Variants in CHCHD4 observed in about 807,000 individuals in gnomAD.
CHCHD4 encodes coiled-coil-helix-coiled-coil-helix domain containing 4.
Under a neutral mutation model 12.4 loss-of-function variants are expected in CHCHD4, and 7 were observed. The ratio of observed to expected loss-of-function variants is 0.57; its 90% confidence interval spans 0.32 to 1.06. The LOEUF is 1.06. Ranked by LOEUF, CHCHD4 falls within the 50% of genes least tolerant of loss-of-function variation. The pLI is 0.04. For missense variants in CHCHD4, 143 were observed against 175.1 expected (o/e 0.82, Z 1.03); for synonymous variants, 56 against 58.0 (o/e 0.97, Z 0.16).
intron 2 of CHCHD4, among the ~76,000 whole-genome samples, chr3:14,113,491 AGAG>A (rs1282950436): frequency 2.6e-5 from 4 of 152,234 alleles, no homozygotes; most frequent in African/African-American, 9.6e-5. Context: ...AGCCCAAAGA[AGAG>A]GAGATCACTT....
chr3:14,113,262 A>G, intron 2 of CHCHD4, 68 bp from the exon 3 acceptor site: 1 of 1,284,922 alleles, frequency 7.8e-7, no homozygotes, highest in Non-Finnish European at 1.1e-6. Context: ...CAGTCCTCAC[A>G]GGCTACTGAG....
chr3:14,113,171 T>C lies in CHCHD4; in HGVS notation c.145A>G (p.Ile49Val). ...CCAAGGCATGGGCAGTTCCAGTTAA[T>C]GTTTCCATTTGGCAGTATCAATCCT... Reference protein sequence around the residue: ...EHGLILPNGNINWNCPCLGGM... With the variant: ...EHGLILPNGNVNWNCPCLGGM... Residue 49 changes from isoleucine (I) to valine (V), a missense_variant, in exon 3 of 3, where the codon ATT becomes GTT. By Grantham distance (29) the Ile-to-Val change is conservative. Coordinates refer to ENST00000396914, the MANE Select transcript of CHCHD4 (RefSeq NM_001098502.2). 1 of 1,610,318 alleles carries C rather than the reference T, an allele frequency of 6.2e-7. No individual in the cohort carries two copies.
Position 14,124,716 on chromosome 3 carries a change from G to C in CHCHD4, c.-40C>G. The C allele has an allele frequency of 2.0e-6, 3 of 1,514,662 alleles. No homozygotes were observed. Among genetic ancestry groups the C allele is most frequent in the Non-Finnish European group, 2.6e-6 (3 of 1,133,020 alleles). The allele number at this position is 1,514,662 out of a possible 1,614,324, so 93.8% of individuals were successfully genotyped here. ...CCTGAGACCTTGCAGAAGCGGCGGTGGCGGCAGCTGCACCTTTACGCCGTG... is the reference window on the plus strand; with the variant it reads ...CCTGAGACCTTGCAGAAGCGGCGGTCGCGGCAGCTGCACCTTTACGCCGTG... On this transcript the variant is annotated 5_prime_UTR_variant, in exon 1 of 3. Coordinates refer to ENST00000396914, the MANE Select transcript of CHCHD4 (RefSeq NM_001098502.2).
chr3:14,124,804 G>T lies in CHCHD4; in HGVS notation c.-128C>A. 1 of 1,142,498 alleles carries T rather than the reference G, an allele frequency of 8.8e-7. No homozygotes were observed. Among genetic ancestry groups the T allele is most frequent in the Non-Finnish European group, 1.2e-6 (1 of 828,906 alleles). The allele number at this position is 1,142,498 out of a possible 1,614,324, so 70.8% of individuals were successfully genotyped here. On this transcript the variant is annotated 5_prime_UTR_variant, in exon 1 of 3. Coordinates refer to ENST00000396914, the MANE Select transcript of CHCHD4 (RefSeq NM_001098502.2). ...CCCGCGCGGACCCGCCCCCTCCCAG[G>T]CCTGCCCGCCGCGCGCCTGCCTCGG... is the stretch of plus-strand genomic sequence containing the variant.
At chr3:14,122,211 A>C (rs1191931733) in intron 1 of CHCHD4, 27 of 1,339,532 alleles carry the variant, frequency 2.0e-5, no homozygotes, top group Non-Finnish European at 3.9e-6. Context: ...CTCAGACCCC[A>C]TAGAGCCTTT....
In CHCHD4 at chr3:14,112,836, T is replaced by G. The variant is rs1156862610; in HGVS notation, c.*51A>C. On this transcript the variant is annotated 3_prime_UTR_variant, in exon 3 of 3. Coordinates refer to ENST00000396914, the MANE Select transcript of CHCHD4 (RefSeq NM_001098502.2). Reference sequence around the variant, plus strand: ...CTTGGAAGGTGATGACAAGGCCTTTTGCAAAAGGTCCACTCCAAAAGGACT... The same window carrying G: ...CTTGGAAGGTGATGACAAGGCCTTTGGCAAAAGGTCCACTCCAAAAGGACT... 2.0e-6 allele frequency: 3 copies of G among 1,532,706 alleles called. No homozygotes were observed. Among genetic ancestry groups the G allele is most frequent in the Non-Finnish European group, 2.6e-6 (3 of 1,135,948 alleles). 94.9% of individuals were successfully genotyped at this position (1,532,706 alleles called of 1,614,324 possible).
intron 2 of CHCHD4, 81 bp from the exon 3 acceptor site, chr3:14,113,275 G>A: frequency 8.5e-7 from 1 of 1,183,332 alleles, no homozygotes; most frequent in Non-Finnish European, 1.2e-6. Context: ...CTACTGAGGG[G>A]GTGCAGAACA....
chr3:14,112,631 C>A lies in CHCHD4; in HGVS notation c.*256G>T. 1 of 403,310 alleles carries A rather than the reference C, an allele frequency of 2.5e-6. No homozygotes were observed. The highest frequency in any genetic ancestry group is 4.4e-6 in the Non-Finnish European group (1 of 226,674). 25.0% of individuals were successfully genotyped at this position (403,310 alleles called of 1,614,324 possible). ...TATTCAGCACATTATTTAAAAGTGG[C>A]AAAATTCAGGGCAATCTGAGAATTC... On this transcript the variant is annotated 3_prime_UTR_variant, in exon 3 of 3. Transcript: ENST00000396914.
chr3:14,113,198 G>A lies in CHCHD4; in HGVS notation c.122-4C>T. The A allele has an allele frequency of 6.3e-7, 1 of 1,596,686 alleles. No homozygotes were observed. Among genetic ancestry groups the A allele is most frequent in the Non-Finnish European group, 8.5e-7 (1 of 1,170,354 alleles). ...TTTCCATTTGGCAGTATCAATCCTAGAACAGGAAGATAGAGAGATGTTCTC... is the reference window on the plus strand; with the variant it reads ...TTTCCATTTGGCAGTATCAATCCTAAAACAGGAAGATAGAGAGATGTTCTC... On this transcript the variant is annotated splice_region_variant and splice_polypyrimidine_tract_variant and intron_variant, in intron 2 of 2. Coordinates refer to ENST00000396914, the MANE Select transcript of CHCHD4 (RefSeq NM_001098502.2).
chr3:14,118,534 A>T (rs1359529861), intron 1 of CHCHD4, among the ~76,000 whole-genome samples: 2 of 152,232 alleles, frequency 1.3e-5, no homozygotes, highest in African/African-American at 4.8e-5. Context: ...CGCCATGCCC[A>T]CACTGCACAG....
intron 1 of CHCHD4, among the ~76,000 whole-genome samples, chr3:14,124,416 G>A (rs2124980505): frequency 6.6e-6 from 1 of 152,332 alleles, no homozygotes; most frequent in Non-Finnish European, 1.5e-5. Context: ...CCCCTCTGAG[G>A]TCAGGGTTCG....
intron 1 of CHCHD4, among the ~76,000 whole-genome samples, chr3:14,119,728 G>A (rs185480126): frequency 7.3e-4 from 111 of 152,296 alleles, no homozygotes; most frequent in African/African-American, 2.5e-3. Context: ...GGTGCACAGT[G>A]GCTTCAATAT....
chr3:14,123,134 TCTCA>T lies in CHCHD4; in HGVS notation c.22+1517_22+1520del, dbSNP rs142213112. On this transcript the variant is annotated intron_variant, in intron 1 of 2. Transcript: ENST00000396914. ...AGGCCTATAAGTGAGTGCTTTCAAT[TCTCA>T]CTCCTCTCCGAACTAAGAGAGATCT... 6.1e-3 allele frequency among the ~76,000 whole-genome samples: 924 copies of T among 152,232 alleles called. 4 individuals are homozygous for T. The highest frequency in any genetic ancestry group is 0.022 in the African/African-American group (894 of 41,544).
chr3:14,122,187 C>T, intron 1 of CHCHD4: 1 of 1,445,274 alleles, frequency 6.9e-7, no homozygotes, highest in Non-Finnish European at 9.1e-7. Context: ...ATGTCTGAAG[C>T]CTCAGGAAGC....
intron 2 of CHCHD4, among the ~76,000 whole-genome samples, chr3:14,114,182 C>T (rs1694851482): frequency 6.6e-6 from 1 of 152,174 alleles, no homozygotes; most frequent in South Asian, 2.1e-4. Context: ...GCCTTCAATT[C>T]CAGCTTGGGA....
chr3:14,124,706 A>T lies in CHCHD4; in HGVS notation c.-30T>A. ...GCAGCCCGTCCCTGAGACCTTGCAG[A>T]AGCGGCGGTGGCGGCAGCTGCACCT... is the stretch of plus-strand genomic sequence containing the variant. On this transcript the variant is annotated 5_prime_UTR_variant, in exon 1 of 3. Transcript: ENST00000396914. 1 of 1,520,874 alleles carries T rather than the reference A, an allele frequency of 6.6e-7. No homozygotes were observed. Among genetic ancestry groups the T allele is most frequent in the Non-Finnish European group, 8.8e-7 (1 of 1,135,886 alleles). 94.2% of individuals were successfully genotyped at this position (1,520,874 alleles called of 1,614,324 possible). A position where few individuals can be genotyped will look rare whatever the true frequency, so the allele number is the denominator to read the frequency against.
At chr3:14,114,454 G>C (rs1466435197) in intron 2 of CHCHD4, among the ~76,000 whole-genome samples, 2 of 152,150 alleles carry the variant, frequency 1.3e-5, no homozygotes, top group Non-Finnish European at 2.9e-5. Flanking sequence ...GAGGACTGCA[G>C]ACTGGGCTGA....
intron 1 of CHCHD4, among the ~76,000 whole-genome samples, chr3:14,123,849 T>G (rs1237315277): frequency 6.6e-6 from 1 of 152,188 alleles, no homozygotes; most frequent in African/African-American, 2.4e-5. Context: ...GCTCGGGTAC[T>G]TCTGAGCTCT....
intron 1 of CHCHD4, 42 bp downstream of exon 1, chr3:14,124,613 G>A: frequency 6.8e-7 from 1 of 1,476,874 alleles, no homozygotes. Context: ...GTCTCCCGCA[G>A]GCCCTCGTAG....
Sources: gnomAD v4.1 joint callset for allele counts (sites outside exome capture counted in the v4.1 genomes callset) on GRCh38, gnomAD v4.1.1 for gene constraint, MANE v1.5 for transcripts, NCBI Gene and HGNC (gene_info 2026-07-23, HGNC 2026-07-21) for gene names.